The following ZFPM2 variants were observed in gnomAD, a reference collection of about 807,000 sequenced individuals.
The protein encoded by ZFPM2 is zinc finger protein ZFPM2.
ZFPM2 carries 20 observed loss-of-function variants against 98.6 expected under a neutral mutation model. That is an observed-to-expected ratio of 0.20 (90% CI 0.14 to 0.29). The LOEUF (loss-of-function observed/expected upper bound fraction) is 0.29. Ranked by LOEUF, ZFPM2 falls within the 10% of genes least tolerant of loss-of-function variation. ZFPM2 has a pLI of 1.00. For synonymous variants in ZFPM2, 518 were observed against 502.7 expected, an observed-to-expected ratio of 1.03 and a Z score of -0.41; for missense variants, 1,310 against 1,388.6, an observed-to-expected ratio of 0.94 and a Z score of 0.90.
At chr8:105,763,451 T>C (rs1261796066) in intron 5 of ZFPM2, among the ~76,000 whole-genome samples, 2 of 151,836 alleles carry the variant, frequency 1.3e-5, no homozygotes, top group Non-Finnish European at 2.9e-5. Context: ...AGCAGGTGAT[T>C]TTTTACAATC....
intron 3 of ZFPM2, among the ~76,000 whole-genome samples, chr8:105,499,690 T>C (rs1211377137): frequency 6.8e-6 from 1 of 147,144 alleles, no homozygotes; most frequent in African/African-American, 2.5e-5. Flanking sequence ...CATTTTTTTT[T>C]CAACTCCTCA....
intron 4 of ZFPM2, among the ~76,000 whole-genome samples, chr8:105,622,690 C>T (rs1188790973): frequency 1.3e-5 from 2 of 152,092 alleles, no homozygotes; most frequent in Non-Finnish European, 2.9e-5. Context: ...CTCATTGTCA[C>T]TCCCAAGGAA....
intron 5 of ZFPM2, among the ~76,000 whole-genome samples, chr8:105,698,874 A>G (rs144649536): frequency 1.6e-4 from 24 of 152,278 alleles, no homozygotes; most frequent in African/African-American, 5.5e-4. Context: ...CATCTAGAAC[A>G]TTTCCATTTC....
intron 1 of ZFPM2, among the ~76,000 whole-genome samples, chr8:105,372,589 G>C (rs931529294): frequency 1.3e-5 from 2 of 152,108 alleles, no homozygotes; most frequent in Non-Finnish European, 2.9e-5. Context: ...AGATGGAAAA[G>C]TATTCAGAGA....
rs1034779153 is a variant in ZFPM2, at chr8:105,372,819, C to T, written c.41-46325C>T. Among the ~76,000 whole-genome samples, 7 of 152,058 alleles carry T rather than the reference C, an allele frequency of 4.6e-5. No individual in the cohort carries two copies. In the South Asian group the frequency reaches 1.0e-3, roughly 23 times the overall value. ...AAAGGAAAGCTCTTCTAAGTTTTAT[C>T]CATCAGGACATGCACCGTATTAGGA... On this transcript the variant is annotated intron_variant, in intron 1 of 7. Coordinates refer to ENST00000407775, the MANE Select transcript of ZFPM2 (RefSeq NM_012082.4).
intron 6 of ZFPM2, chr8:105,796,951 C>T (rs1267202000): frequency 6.6e-6 from 1 of 152,262 alleles, no homozygotes; most frequent in Non-Finnish European, 1.5e-5. Flanking sequence ...GAAGACATCA[C>T]CTCTCCATCC....
chr8:105,500,767 A>T (rs1489207491), intron 3 of ZFPM2, among the ~76,000 whole-genome samples: 1 of 152,180 alleles, frequency 6.6e-6, no homozygotes, highest in African/African-American at 2.4e-5. Context: ...TTGCATCAAT[A>T]AATAAAGATA....
chr8:105,795,301 G>A (rs1275702045), intron 6 of ZFPM2, among the ~76,000 whole-genome samples: 2 of 147,418 alleles, frequency 1.4e-5, no homozygotes, highest in South Asian at 2.1e-4. Context: ...TGTCCTGGGA[G>A]TGTAGAAAGA....
chr8:105,582,319 G>A (rs1815618566), intron 4 of ZFPM2, among the ~76,000 whole-genome samples: 1 of 152,186 alleles, frequency 6.6e-6, no homozygotes. Flanking sequence ...AATTAATTCA[G>A]TGGCTCTTAA....
intron 3 of ZFPM2, among the ~76,000 whole-genome samples, chr8:105,518,421 T>G (rs370891746): frequency 6.6e-6 from 1 of 152,178 alleles, no homozygotes; most frequent in East Asian, 1.9e-4. Flanking sequence ...ACTTGTAGAT[T>G]TGATAAAATG....
At chr8:105,344,582 C>G (rs925345051) in intron 1 of ZFPM2, among the ~76,000 whole-genome samples, 1 of 151,980 alleles carries the variant, frequency 6.6e-6, no homozygotes, top group Non-Finnish European at 1.5e-5. Flanking sequence ...TTTGTATTCT[C>G]CTGTTATAGA....
chr8:105,753,924 TCATTGTTAG>T (rs1812532617), intron 5 of ZFPM2, among the ~76,000 whole-genome samples: 1 of 152,198 alleles, frequency 6.6e-6, no homozygotes, highest in South Asian at 2.1e-4. Context: ...GGTCCTTGTA[TCATTGTTAG>T]CATTTCTAGT....
At chr8:105,568,128 C>T (rs1815278316) in intron 4 of ZFPM2, among the ~76,000 whole-genome samples, 1 of 152,080 alleles carries the variant, frequency 6.6e-6, no homozygotes. Context: ...TGCAAAGCTT[C>T]AGCTACTAAT....
At chr8:105,766,389 A>G (rs1812853306) in intron 5 of ZFPM2, among the ~76,000 whole-genome samples, 1 of 151,900 alleles carries the variant, frequency 6.6e-6, no homozygotes, top group Non-Finnish European at 1.5e-5. Context: ...CTGGGATGTC[A>G]TCTTAAGTAG....
intron 1 of ZFPM2, among the ~76,000 whole-genome samples, chr8:105,330,751 A>G (rs1429988423): frequency 6.7e-6 from 1 of 149,450 alleles, no homozygotes; most frequent in Non-Finnish European, 1.5e-5. Context: ...TCTTGTTTTG[A>G]TGGTTACATT....
intron 5 of ZFPM2, among the ~76,000 whole-genome samples, chr8:105,718,351 A>G (rs1363419400): frequency 2.0e-5 from 3 of 151,914 alleles, no homozygotes; most frequent in African/African-American, 7.2e-5. Context: ...GTAAGAAGTT[A>G]GTCTTGGATA....
In ZFPM2 at chr8:105,802,565, T is replaced by G; in HGVS notation, c.2483T>G (p.Val828Gly). 1 of 1,611,338 alleles carries G rather than the reference T, an allele frequency of 6.2e-7. No individual in the cohort carries two copies. The highest frequency in any genetic ancestry group is 8.5e-7 in the Non-Finnish European group (1 of 1,178,644). ...AGTGTTTCCTGCCTAGAGATGGACGTGCCCATAGATCTCAGCAAAAAGTGT... is the reference window on the plus strand; with the variant it reads ...AGTGTTTCCTGCCTAGAGATGGACGGGCCCATAGATCTCAGCAAAAAGTGT... Reference protein sequence around the residue: ...HSSVSCLEMDVPIDLSKKCLS... With the variant: ...HSSVSCLEMDGPIDLSKKCLS... The change falls in exon 8 of 8, where the codon GTG (valine) becomes GGG (glycine). Residue 828 changes from valine (V) to glycine (G), a missense_variant. Physicochemically the swap from Val to Gly is moderately radical, Grantham distance 109. Coordinates refer to ENST00000407775, the MANE Select transcript of ZFPM2 (RefSeq NM_012082.4).
At chr8:105,460,099 G>A (rs1488488412) in intron 3 of ZFPM2, among the ~76,000 whole-genome samples, 3 of 152,154 alleles carry the variant, frequency 2.0e-5, no homozygotes, top group African/African-American at 7.2e-5. Flanking sequence ...TGTTGATTAA[G>A]TGAGTGGAAC....
chr8:105,634,043 T>C (rs1326106259), intron 4 of ZFPM2, among the ~76,000 whole-genome samples: 5 of 152,198 alleles, frequency 3.3e-5, no homozygotes, highest in Non-Finnish European at 5.9e-5. Flanking sequence ...TGATAATATT[T>C]CTACCATTCA....
Sources: gnomAD v4.1 joint callset for allele counts (sites outside exome capture counted in the v4.1 genomes callset) on GRCh38, gnomAD v4.1.1 for gene constraint, MANE v1.5 for transcripts, NCBI Gene and HGNC (gene_info 2026-07-23, HGNC 2026-07-21) for gene names.